PIP5K1B: variants seen among roughly 807,000 people sequenced by gnomAD.
PIP5K1B encodes the protein phosphatidylinositol-4-phosphate 5-kinase type 1 beta, also known as phosphatidylinositol 4-phosphate 5-kinase type-1 beta.
PIP5K1B carries 42 observed loss-of-function variants against 67.0 expected under a neutral mutation model. The observed-to-expected ratio is 0.63, with a 90% confidence interval of 0.49 to 0.81. The LOEUF (loss-of-function observed/expected upper bound fraction) is 0.81. PIP5K1B is among the 30% of genes least tolerant of loss of function. The probability of loss-of-function intolerance (pLI) is 0.00; values close to 1 mark genes in which losing one functional copy is unlikely to be tolerated. For synonymous variants in PIP5K1B, 214 were observed against 231.4 expected (o/e 0.92, Z 0.68); for missense variants, 459 against 646.3 (o/e 0.71, Z 3.14).
At chr9:68,991,100 C>T (rs749555445) in intron 14 of PIP5K1B, 40 bp from the exon 15 acceptor site, 1 of 1,156,766 alleles carries the variant, frequency 8.6e-7, no homozygotes, top group Non-Finnish European at 1.3e-6. Context: ...AGATTTTGTT[C>T]TGGGGGCCTC....
intron 6 of PIP5K1B, among the ~76,000 whole-genome samples, chr9:68,878,102 G>GC (rs897989234): frequency 2.0e-5 from 3 of 151,484 alleles, no homozygotes; most frequent in African/African-American, 7.3e-5. Context: ...ACTGAGGGTT[G>GC]CCATCATTCA....
intron 5 of PIP5K1B, among the ~76,000 whole-genome samples, chr9:68,868,376 C>T (rs574903689): frequency 6.6e-5 from 10 of 152,254 alleles, no homozygotes; most frequent in African/African-American, 2.4e-4. Context: ...AGTAAATTGA[C>T]TTATATAACA....
Position 68,857,790 on chromosome 9 carries a change from C to T in PIP5K1B, c.70-6047C>T, listed in dbSNP as rs139801094. ...GCTGAGGTGGGAGGATGGCTTGAGCCCAGGAGTTTGAGGTTACAATGAGCT... is the reference window on the plus strand; with the variant it reads ...GCTGAGGTGGGAGGATGGCTTGAGCTCAGGAGTTTGAGGTTACAATGAGCT... On this transcript the variant is annotated intron_variant, in intron 4 of 15. Coordinates refer to ENST00000265382, the MANE Select transcript of PIP5K1B (RefSeq NM_003558.4). Among the ~76,000 whole-genome samples, 511 of 152,170 alleles carry T rather than the reference C, an allele frequency of 3.4e-3. 1 individual carries two copies. The highest frequency in any genetic ancestry group is 0.011 in the African/African-American group (470 of 41,520).
At chr9:68,931,723 G>C (rs1827007086) in intron 12 of PIP5K1B, among the ~76,000 whole-genome samples, 1 of 152,218 alleles carries the variant, frequency 6.6e-6, no homozygotes, top group Non-Finnish European at 1.5e-5. Context: ...TATGGCAGAA[G>C]GGTGAGCTGA....
chr9:68,981,020 C>CT (rs1829859935), intron 14 of PIP5K1B, among the ~76,000 whole-genome samples: 1 of 152,164 alleles, frequency 6.6e-6, no homozygotes, highest in Admixed American at 6.6e-5. Context: ...ACTATAAACT[C>CT]TATGTGTCAA....
At chr9:68,983,731 G>A (rs1829986898) in intron 14 of PIP5K1B, among the ~76,000 whole-genome samples, 1 of 152,140 alleles carries the variant, frequency 6.6e-6, no homozygotes, top group Non-Finnish European at 1.5e-5. Flanking sequence ...TGTGCAATTA[G>A]CCCTCAGACA....
At chr9:68,898,973 G>C (rs535333577) in intron 8 of PIP5K1B, among the ~76,000 whole-genome samples, 1 of 152,272 alleles carries the variant, frequency 6.6e-6, no homozygotes, top group East Asian at 1.9e-4. Flanking sequence ...CACTGCTTTT[G>C]GGCGAAAGCC....
At chr9:68,917,161 C>T (rs1004229347) in intron 8 of PIP5K1B, among the ~76,000 whole-genome samples, 6 of 152,116 alleles carry the variant, frequency 3.9e-5, no homozygotes, top group Non-Finnish European at 8.8e-5. Flanking sequence ...TCTCTCTGTG[C>T]CTCCAGTTTT....
chr9:68,911,096 A>C (rs1825824081), intron 8 of PIP5K1B, among the ~76,000 whole-genome samples: 1 of 152,214 alleles, frequency 6.6e-6, no homozygotes. Context: ...AAACTGGGCC[A>C]GGCATGGTGG....
In PIP5K1B at chr9:68,934,923, A is replaced by G. The variant is rs1827174404; in HGVS notation, c.1235A>G (p.Asn412Ser). The change falls in exon 13 of 16, where the codon AAT (asparagine) becomes AGT (serine). Residue 412 changes from asparagine (N) to serine (S), a missense_variant. By Grantham distance (46) the Asn-to-Ser change is conservative. Around this residue, in one of 2 missense-constraint regions of PIP5K1B, gnomAD observed 169 missense variants for 171.9 expected, o/e 0.98. Coordinates refer to ENST00000265382, the MANE Select transcript of PIP5K1B (RefSeq NM_003558.4). ...LKASPSKKRC[N>S]SIAALKATSQ... is the part of the protein sequence containing the mutation. ...GCTTCACCGTCTAAGAAACGGTGCA[A>G]TTCAATCGCCGCCCTAAAGGCCACT... 1 of 1,612,778 alleles carries G rather than the reference A, an allele frequency of 6.2e-7. No homozygotes were observed. The highest frequency in any genetic ancestry group is 8.5e-7 in the Non-Finnish European group (1 of 1,179,184).
At chr9:68,810,639 A>T (rs1219108768) in intron 2 of PIP5K1B, among the ~76,000 whole-genome samples, 1 of 152,172 alleles carries the variant, frequency 6.6e-6, no homozygotes, top group East Asian at 1.9e-4. Context: ...ACTGAGTTTT[A>T]TGGCCCTAGT....
At chr9:68,775,587 C>T (rs1321351746) in intron 2 of PIP5K1B, among the ~76,000 whole-genome samples, 4 of 152,154 alleles carry the variant, frequency 2.6e-5, no homozygotes, top group African/African-American at 4.8e-5. Flanking sequence ...TGGAGTGCGA[C>T]GGCACCAGAT....
At chr9:68,765,451 A>G (rs1352987885) in intron 2 of PIP5K1B, among the ~76,000 whole-genome samples, 3 of 152,028 alleles carry the variant, frequency 2.0e-5, no homozygotes, top group Non-Finnish European at 4.4e-5. Flanking sequence ...TGCAACATGG[A>G]GAAAATGGTC....
chr9:68,906,665 C>G (rs1825628028), intron 8 of PIP5K1B, among the ~76,000 whole-genome samples: 1 of 152,184 alleles, frequency 6.6e-6, no homozygotes, highest in Admixed American at 6.5e-5. Flanking sequence ...TAATGCGAGC[C>G]TGGCTGGAAT....
chr9:68,882,881 A>C (rs551995489), intron 6 of PIP5K1B, among the ~76,000 whole-genome samples: 3 of 152,150 alleles, frequency 2.0e-5, no homozygotes, highest in African/African-American at 7.2e-5. Context: ...AGAATGTTTT[A>C]GTGTCTCTTT....
intron 2 of PIP5K1B, among the ~76,000 whole-genome samples, chr9:68,767,362 G>A (rs1187102569): frequency 6.6e-6 from 1 of 152,142 alleles, no homozygotes; most frequent in Non-Finnish European, 1.5e-5. Context: ...GGGAGGCCGA[G>A]GCGGGTGGAT....
chr9:68,780,097 C>G lies in PIP5K1B; in HGVS notation c.-86+37440C>G, dbSNP rs3750377. 73,917 of 1,457,898 alleles carry G rather than the reference C, an allele frequency of 0.051. 2,536 individuals carry two copies. Among genetic ancestry groups the G allele is most frequent in the East Asian group, 0.18 (7,219 of 39,282 alleles). 90.3% of individuals were successfully genotyped at this position (1,457,898 alleles called of 1,614,324 possible). A position where few individuals can be genotyped will look rare whatever the true frequency, so the allele number is the denominator to read the frequency against. On this transcript the variant is annotated intron_variant, in intron 2 of 15. Transcript: ENST00000265382. ...CGGTGGCGGCGGCAGCGGCGGCGGC[C>G]CTGGACTGCGGGGAATGGGAATCCT...
At chr9:69,004,733 A>G (rs1267014477) in intron 15 of PIP5K1B, among the ~76,000 whole-genome samples, 1 of 152,196 alleles carries the variant, frequency 6.6e-6, no homozygotes, top group Non-Finnish European at 1.5e-5. Context: ...CTTCCAGGGT[A>G]GAGAACTGAT....
At chr9:68,839,587 C>T (rs1380660307) in intron 4 of PIP5K1B, among the ~76,000 whole-genome samples, 1 of 152,104 alleles carries the variant, frequency 6.6e-6, no homozygotes, top group African/African-American at 2.4e-5. Context: ...GAGATTTTCT[C>T]CCCCTTTTCT....
Sources: allele counts gnomAD v4.1 joint callset (sites outside exome capture counted in the v4.1 genomes callset), GRCh38; gene constraint gnomAD v4.1.1; regional missense constraint gnomAD v4.1.1; transcripts MANE v1.5; gene names NCBI Gene and HGNC (gene_info 2026-07-23, HGNC 2026-07-21).